CXXC1: variants seen among roughly 807,000 people sequenced by gnomAD.
CXXC1 encodes CXXC finger protein 1, also known as CXXC-type zinc finger protein 1.
Under a neutral mutation model 83.6 loss-of-function variants are expected in CXXC1, and 21 were observed. The observed-to-expected ratio is 0.25, with a 90% CI of 0.18 to 0.36. The LOEUF is 0.36. Ranked by LOEUF, CXXC1 falls within the 10% of genes least tolerant of loss-of-function variation. The probability of loss-of-function intolerance (pLI) is 1.00; values close to 1 mark genes in which losing one functional copy is unlikely to be tolerated. For synonymous variants in CXXC1, 371 were observed against 337.5 expected, an observed-to-expected ratio of 1.10 and a Z score of -1.09; for missense variants, 688 against 919.5, an observed-to-expected ratio of 0.75 and a Z score of 3.26.
Position 50,282,501 on chromosome 18 carries a change from C to G in CXXC1, c.*92G>C. 6.7e-7 allele frequency: 1 copy of G among 1,502,504 alleles called. No homozygotes were observed. The highest frequency in any genetic ancestry group is 9.1e-7 in the Non-Finnish European group (1 of 1,101,972). The allele number at this position is 1,502,504 out of a possible 1,614,324, so 93.1% of individuals were successfully genotyped here. On this transcript the variant is annotated 3_prime_UTR_variant, in exon 15 of 15. Coordinates refer to ENST00000285106, the MANE Select transcript of CXXC1 (RefSeq NM_014593.4). This position sits in a 1 kb window ranked among gnomAD's most constrained non-coding sequence, Gnocchi z 5.8. ...ACCGGTGGATGGGCACAGGGAGAAC[C>G]GGAGAAACAGATGAGTGGAGGAACG...
rs2040500023 is a variant in CXXC1, at chr18:50,282,516, G to C, written c.*77C>G. The C allele has an allele frequency of 1.9e-6, 3 of 1,549,182 alleles. No homozygotes were observed. Among genetic ancestry groups the C allele is most frequent in the Non-Finnish European group, 2.6e-6 (3 of 1,139,398 alleles). ...CAGGGAGAACCGGAGAAACAGATGA[G>C]TGGAGGAACGGACACACGGGCACCG... is the stretch of plus-strand genomic sequence containing the variant. On this transcript the variant is annotated 3_prime_UTR_variant, in exon 15 of 15. Transcript: ENST00000285106. The surrounding 1 kb of genome is among the most constrained non-coding windows in gnomAD (Gnocchi z 5.8).
chr18:50,282,594 C>T lies in CXXC1; in HGVS notation c.1970G>A (p.Ter657=), dbSNP rs756311071. The change falls in exon 15 of 15, where the codon TGA becomes TAA. Residue 657 remains the stop codon, a stop_retained_variant. Transcript: ENST00000285106. This position sits in a 1 kb window ranked among gnomAD's most constrained non-coding sequence, Gnocchi z 5.8. Reference sequence around the variant, plus strand: ...TGTAAGGGGTCCGGGCCAGGAGGCTCAGCGGTCGGCACTGGAGCGCAGGTC... The same window carrying T: ...TGTAAGGGGTCCGGGCCAGGAGGCTTAGCGGTCGGCACTGGAGCGCAGGTC... ...TTDLRSSADR[*] The T allele has an allele frequency of 7.5e-6, 12 of 1,608,036 alleles. No homozygotes were observed. Among genetic ancestry groups the T allele is most frequent in the African/African-American group, 1.3e-5 (1 of 74,920 alleles).
intron 1 of CXXC1, chr18:50,287,160 C>T (rs915089053): frequency 3.9e-6 from 2 of 518,824 alleles, no homozygotes; most frequent in African/African-American, 1.9e-5. Context: ...TAACTCACTG[C>T]GGACTTCCCA....
At chr18:50,284,328 GC>G in intron 9 of CXXC1, 49 bp downstream of exon 9, 1 of 1,517,812 alleles carries the variant, frequency 6.6e-7, no homozygotes, top group Non-Finnish European at 8.8e-7. Flanking sequence ...CTGTGGTCAG[GC>G]CCTACCATGC....
chr18:50,284,267 G>A, intron 9 of CXXC1, 111 bp downstream of exon 9: 2 of 1,495,828 alleles, frequency 1.3e-6, no homozygotes, highest in Non-Finnish European at 1.8e-6. Flanking sequence ...AGTGGGTAGT[G>A]GCTGTTTGGT....
At chr18:50,287,452 G>T in intron 1 of CXXC1, 135 bp downstream of exon 1, 1 of 1,058,336 alleles carries the variant, frequency 9.4e-7, no homozygotes, top group Non-Finnish European at 1.4e-6. Context: ...TCATCATTCT[G>T]CCCATAGACT....
intron 9 of CXXC1, 134 bp downstream of exon 9, chr18:50,284,244 A>G (rs961879592): frequency 6.9e-6 from 10 of 1,439,830 alleles, no homozygotes; most frequent in Middle Eastern, 2.2e-4. Flanking sequence ...GTGGGTGGGT[A>G]GGTGGATGGG....
chr18:50,287,319 C>T, intron 1 of CXXC1: 1 of 544,994 alleles, frequency 1.8e-6, no homozygotes, highest in East Asian at 3.1e-5. Flanking sequence ...CCTTACAACC[C>T]GCTTATCCCT....
chr18:50,283,724 A>C lies in CXXC1; in HGVS notation c.1505T>G (p.Met502Arg), dbSNP rs1305714418. ...CCCAACCTTGGCGTAGCAGCGCTCC[A>C]TGTGGCGCAAGGCAACACGTGGGTT... ...PINPRVALRH[M>R]ERCYAKYESQ... is the part of the protein sequence containing the mutation. The change falls in exon 11 of 15, where the codon ATG becomes AGG. Residue 502 changes from methionine (M) to arginine (R), a missense_variant. Physicochemically the swap from Met to Arg is moderately conservative, Grantham distance 91. Coordinates refer to ENST00000285106, the MANE Select transcript of CXXC1 (RefSeq NM_014593.4). 1.2e-6 allele frequency: 2 copies of C among 1,614,076 alleles called. No homozygotes were observed. Among genetic ancestry groups the C allele is most frequent in the African/African-American group, 2.7e-5 (2 of 74,944 alleles).
rs776054762 is a variant in CXXC1, at chr18:50,287,634, C to G, written c.-45G>C. 13 of 1,608,178 alleles carry G rather than the reference C, an allele frequency of 8.1e-6. No homozygotes were observed. The highest frequency in any genetic ancestry group is 1.1e-5 in the South Asian group (1 of 91,066). ...TCCCTCACGACCCCCGCCAGCGACCCGCGAACCTGCACAGACCACTCGGCG... is the reference window on the plus strand; with the variant it reads ...TCCCTCACGACCCCCGCCAGCGACCGGCGAACCTGCACAGACCACTCGGCG... On this transcript the variant is annotated 5_prime_UTR_variant, in exon 1 of 15. Transcript: ENST00000285106.
At position 50,285,038 on chromosome 18, in the gene CXXC1, C is replaced by G; in HGVS notation, c.876G>C (p.Gln292His). ...EDLPLDPDLY[Q>H]DFCAGAFDDH... The stretch of plus-strand genomic sequence containing the variant: ...CATCAAAGGCCCCTGCACAGAAGTC[C>G]TGATACAGGTCAGGATCCAGAGGTA... The change falls in exon 7 of 15, where the codon CAG becomes CAC. Residue 292 changes from glutamine (Q) to histidine (H), a missense_variant. This residue lies in a region of CXXC1 where 190 missense variants were observed against 199.7 expected (regional missense o/e 0.95). Coordinates refer to ENST00000285106, the MANE Select transcript of CXXC1 (RefSeq NM_014593.4). The surrounding 1 kb of genome is among the most constrained non-coding windows in gnomAD (Gnocchi z 4.4). The G allele has an allele frequency of 1.2e-6, 2 of 1,614,268 alleles. No individual in the cohort carries two copies. Among genetic ancestry groups the G allele is most frequent in the Non-Finnish European group, 1.7e-6 (2 of 1,180,050 alleles).
At position 50,285,615 on chromosome 18, in the gene CXXC1, C is replaced by T; in HGVS notation, c.639+134G>A. 1 of 1,201,630 alleles carries T rather than the reference C, an allele frequency of 8.3e-7. No individual in the cohort carries two copies. The highest frequency in any genetic ancestry group is 1.2e-6 in the Non-Finnish European group (1 of 848,774). The allele number at this position is 1,201,630 out of a possible 1,614,324, so 74.4% of individuals were successfully genotyped here. A position where few individuals can be genotyped will look rare whatever the true frequency, so the allele number is the denominator to read the frequency against. ...TCATGCCCCATTCATCTGGACATGA[C>T]AGGCCCCTTCCCACCTGTCAGGATA... is the stretch of plus-strand genomic sequence containing the variant. On this transcript the variant is annotated intron_variant, in intron 5 of 14. Transcript: ENST00000285106. This position sits in a 1 kb window ranked among gnomAD's most constrained non-coding sequence, Gnocchi z 4.4.
At position 50,282,722 on chromosome 18, in the gene CXXC1, C is replaced by G; in HGVS notation, c.1842G>C (p.Glu614Asp). Residue 614 changes from glutamate (E) to aspartate (D), a missense_variant, in exon 15 of 15, where the codon GAG (glutamate) becomes GAC (aspartate). Glu to Asp is a conservative substitution (Grantham distance 45, BLOSUM62 2). Coordinates refer to ENST00000285106, the MANE Select transcript of CXXC1 (RefSeq NM_014593.4). This position sits in a 1 kb window ranked among gnomAD's most constrained non-coding sequence, Gnocchi z 5.8. ...ERVRVWYKLDELFEQERNVRT... is the reference protein window; with the variant it reads ...ERVRVWYKLDDLFEQERNVRT... The stretch of plus-strand genomic sequence containing the variant: ...GCACATTGCGCTCCTGCTCAAACAG[C>G]TCGTCCAGCTTGTACCACTGCCAAG... The G allele has an allele frequency of 6.2e-7, 1 of 1,614,046 alleles. No individual in the cohort carries two copies. Among genetic ancestry groups the G allele is most frequent in the South Asian group, 1.1e-5 (1 of 91,092 alleles).
chr18:50,283,638 C>T, intron 11 of CXXC1, 67 bp downstream of exon 11: 1 of 1,609,480 alleles, frequency 6.2e-7, no homozygotes, highest in Non-Finnish European at 8.5e-7. Context: ...ACCCAGACAA[C>T]AAATCTGTCC....
At chr18:50,284,898 T>A (rs1299810047) in intron 7 of CXXC1, 59 bp from the exon 8 acceptor site, 13 of 1,612,864 alleles carry the variant, frequency 8.1e-6, no homozygotes, top group Non-Finnish European at 1.1e-5. Flanking sequence ...CACCACCTAC[T>A]CATGTCCCAT....
intron 9 of CXXC1, 121 bp downstream of exon 9, chr18:50,284,257 A>G (rs1599671442): frequency 6.8e-7 from 1 of 1,472,354 alleles, no homozygotes; most frequent in African/African-American, 1.4e-5. Context: ...TGGATGGGTG[A>G]GTGGGTAGTG....
rs765571681 is a variant in CXXC1 at position 50,283,577 on chromosome 18, G to A, written c.1525-13C>T. The A allele has an allele frequency of 6.2e-7, 1 of 1,613,838 alleles. No individual in the cohort carries two copies. The highest frequency in any genetic ancestry group is 1.3e-5 in the African/African-American group (1 of 74,884). On this transcript the variant is annotated splice_polypyrimidine_tract_variant and intron_variant, in intron 11 of 14. Transcript: ENST00000285106. ...TCTGGCTCTCATACTGGAGGGATGA[G>A]CACAAATGGAGGGAACTGTGGATGT...
chr18:50,286,880 G>T (rs747720971), intron 1 of CXXC1, 22 bp from the exon 2 acceptor site: 5 of 1,546,770 alleles, frequency 3.2e-6, no homozygotes, highest in Non-Finnish European at 4.5e-6. Flanking sequence ...CCCCATTACG[G>T]ATCCTTAAGC....
intron 1 of CXXC1, chr18:50,287,123 C>A (rs2040727281): frequency 5.6e-6 from 3 of 535,700 alleles, no homozygotes; most frequent in Non-Finnish European, 1.0e-5. Flanking sequence ...TGGCGACCCT[C>A]CATCGTGGCG....
Sources: gnomAD v4.1 joint callset for allele counts on GRCh38, gnomAD v4.1.1 for gene constraint, gnomAD v4.1.1 regional missense constraint, Gnocchi (gnomAD v3.1) non-coding constraint, MANE v1.5 for transcripts, NCBI Gene and HGNC (gene_info 2026-07-23, HGNC 2026-07-21) for gene names.